Variants in CNTNAP2 observed in about 807,000 individuals in gnomAD.
The protein encoded by CNTNAP2 is contactin associated protein 2.
Under a neutral mutation model 155.2 loss-of-function variants are expected in CNTNAP2, and 98 were observed. The ratio of observed to expected loss-of-function variants is 0.63; its 90% confidence interval spans 0.54 to 0.75. CNTNAP2 has a LOEUF of 0.75. CNTNAP2 is among the 30% of genes least tolerant of loss of function. The pLI is 0.00. For synonymous variants in CNTNAP2, 651 were observed against 631.2 expected (o/e 1.03, Z -0.47); for missense variants, 1,727 against 1,688.1 (o/e 1.02, Z -0.40).
chr7:146,362,018 A>C (rs910108438), intron 1 of CNTNAP2, among the ~76,000 whole-genome samples: 3 of 152,158 alleles, frequency 2.0e-5, no homozygotes, highest in African/African-American at 7.2e-5. Context: ...AGATATATAG[A>C]CATGCAGAAA....
At chr7:147,464,067 G>A (rs7805836) in intron 10 of CNTNAP2, among the ~76,000 whole-genome samples, 118,266 of 151,316 alleles carry the variant, frequency 0.78, 46,568 homozygotes, top group African/African-American at 0.88. Flanking sequence ...GTGCTTGTTT[G>A]TTTATTGGTG....
chr7:148,168,728 T>C (rs1410039425), intron 17 of CNTNAP2, among the ~76,000 whole-genome samples: 2 of 152,112 alleles, frequency 1.3e-5, no homozygotes, highest in Non-Finnish European at 2.9e-5. Context: ...AAAAGAAAAA[T>C]ATCTCCATTC....
chr7:146,444,433 A>G (rs1448227237), intron 1 of CNTNAP2, among the ~76,000 whole-genome samples: 2 of 152,200 alleles, frequency 1.3e-5, no homozygotes, highest in African/African-American at 2.4e-5. Flanking sequence ...ACATAGATAC[A>G]GGTGGAACAT....
At chr7:148,396,086 G>T (rs573339043) in intron 22 of CNTNAP2, among the ~76,000 whole-genome samples, 1 of 152,176 alleles carries the variant, frequency 6.6e-6, no homozygotes, top group South Asian at 2.1e-4. Context: ...CATTGCAGCT[G>T]TCAGCCTGTG....
At chr7:147,418,422 G>T (rs1408077951) in intron 10 of CNTNAP2, among the ~76,000 whole-genome samples, 1 of 152,094 alleles carries the variant, frequency 6.6e-6, no homozygotes, top group Non-Finnish European at 1.5e-5. Flanking sequence ...TTATTATATA[G>T]ACATCGATAT....
At chr7:147,588,870 T>A (rs2116840440) in intron 12 of CNTNAP2, among the ~76,000 whole-genome samples, 1 of 152,308 alleles carries the variant, frequency 6.6e-6, no homozygotes, top group South Asian at 2.1e-4. Context: ...TTCATTGCCT[T>A]ACCTTAAGGC....
At chr7:146,245,640 T>C (rs2693298) in intron 1 of CNTNAP2, among the ~76,000 whole-genome samples, 48,571 of 151,702 alleles carry the variant, frequency 0.32, 14,004 homozygotes, top group African/African-American at 0.78. Flanking sequence ...ATTAATCGGA[T>C]ACGATCAGCA....
intron 15 of CNTNAP2, among the ~76,000 whole-genome samples, chr7:148,113,386 C>T (rs183045814): frequency 9.9e-5 from 15 of 152,238 alleles, no homozygotes; most frequent in African/African-American, 3.4e-4. Flanking sequence ...AAAGACAGCA[C>T]CAAGGGCAAT....
intron 11 of CNTNAP2, among the ~76,000 whole-genome samples, chr7:147,523,306 G>C (rs562108484): frequency 6.6e-6 from 1 of 152,208 alleles, no homozygotes; most frequent in African/African-American, 2.4e-5. Flanking sequence ...CTGACACAGA[G>C]AGAGGAGACA....
intron 1 of CNTNAP2, among the ~76,000 whole-genome samples, chr7:146,151,649 T>TAC (rs1798042964): frequency 7.0e-5 from 2 of 28,538 alleles, no homozygotes; most frequent in Non-Finnish European, 1.2e-4. Flanking sequence ...TATATATATA[T>TAC]ATATATATAT....
At chr7:146,823,429 A>G (rs1803334442) in intron 2 of CNTNAP2, among the ~76,000 whole-genome samples, 1 of 119,124 alleles carries the variant, frequency 8.4e-6, no homozygotes, top group Non-Finnish European at 1.7e-5. Context: ...ATTCTTCAGT[A>G]TATTTCCATG....
chr7:148,096,509 C>A (rs1803974864), intron 15 of CNTNAP2, among the ~76,000 whole-genome samples: 1 of 151,982 alleles, frequency 6.6e-6, no homozygotes, highest in African/African-American at 2.4e-5. Context: ...TCAGGAATCC[C>A]TTATTAAAAT....
intron 14 of CNTNAP2, among the ~76,000 whole-genome samples, chr7:147,925,349 A>C (rs1800378578): frequency 6.6e-6 from 1 of 151,370 alleles, no homozygotes. Flanking sequence ...CCCCATGATC[A>C]TTCAACACAG....
intron 14 of CNTNAP2, among the ~76,000 whole-genome samples, chr7:147,925,198 GGAAGGAA>G (rs1296126450): frequency 1.7e-4 from 26 of 149,216 alleles, no homozygotes; most frequent in African/African-American, 4.8e-4. Context: ...AAGGAAGGAA[GGAAGGAA>G]GGAAAGAAGG....
intron 9 of CNTNAP2, among the ~76,000 whole-genome samples, chr7:147,358,312 C>A (rs1006463586): frequency 4.6e-5 from 7 of 152,046 alleles, no homozygotes; most frequent in Non-Finnish European, 2.9e-5. Flanking sequence ...TATAAGCAAA[C>A]CTTTGCCCAT....
chr7:148,200,871 T>C (rs887078021), intron 18 of CNTNAP2, among the ~76,000 whole-genome samples: 1 of 152,216 alleles, frequency 6.6e-6, no homozygotes, highest in African/African-American at 2.4e-5. Flanking sequence ...TTGAATAATA[T>C]GTACCCCATG....
At chr7:147,065,298 ATTT>A (rs1563063418) in intron 4 of CNTNAP2, among the ~76,000 whole-genome samples, 1 of 152,196 alleles carries the variant, frequency 6.6e-6, no homozygotes, top group African/African-American at 2.4e-5. Context: ...AATGGCAACC[ATTT>A]GAATCTTCAC....
At chr7:148,256,842 G>A (rs1429179046) in intron 20 of CNTNAP2, among the ~76,000 whole-genome samples, 2 of 152,074 alleles carry the variant, frequency 1.3e-5, no homozygotes, top group Admixed American at 6.5e-5. Context: ...GTCTGCTTTG[G>A]CCCTAGGCTA....
intron 3 of CNTNAP2, among the ~76,000 whole-genome samples, chr7:146,951,583 T>A (rs1351466014): frequency 6.6e-6 from 1 of 152,168 alleles, no homozygotes; most frequent in Non-Finnish European, 1.5e-5. Context: ...TTTATCAGGT[T>A]TGTCAAAGAT....
Sources: gnomAD v4.1 joint callset for allele counts (sites outside exome capture counted in the v4.1 genomes callset) on GRCh38, gnomAD v4.1.1 for gene constraint, MANE v1.5 for transcripts, NCBI Gene and HGNC (gene_info 2026-07-23, HGNC 2026-07-21) for gene names.